Variants in CABLES1 observed in about 807,000 individuals in gnomAD.
CABLES1 encodes the protein CDK5 and ABL1 enzyme substrate 1.
In CABLES1, 36 loss-of-function variants were observed where a neutral mutation model predicts 57.8. The ratio of observed to expected loss-of-function variants is 0.62; its 90% CI spans 0.48 to 0.82. The LOEUF (loss-of-function observed/expected upper bound fraction) is 0.82, where lower values mean the gene tolerates loss of function less well. Ranked by LOEUF, CABLES1 falls within the 40% of genes least tolerant of loss-of-function variation. CABLES1 has a pLI of 0.00. For missense variants in CABLES1, 767 were observed against 836.6 expected (o/e 0.92, Z 1.03); for synonymous variants, 374 against 363.0 (o/e 1.03, Z -0.35).
chr18:23,226,488 T>C (rs1219903070), intron 4 of CABLES1, among the ~76,000 whole-genome samples: 1 of 151,960 alleles, frequency 6.6e-6, no homozygotes, highest in African/African-American at 2.4e-5. Context: ...TTTTTTACCC[T>C]CATACACCCT....
At chr18:23,167,550 TG>T (rs1306025582) in intron 1 of CABLES1, among the ~76,000 whole-genome samples, 1 of 152,130 alleles carries the variant, frequency 6.6e-6, no homozygotes, top group East Asian at 1.9e-4. Context: ...TTTGGGGGAT[TG>T]GGGGGAGTAC....
At chr18:23,135,258 C>G (rs1404141614), upstream of CABLES1, among the ~76,000 whole-genome samples, 1 of 152,198 alleles carries the variant, frequency 6.6e-6, no homozygotes, top group Non-Finnish European at 1.5e-5. Context: ...ACCCGGACAG[C>G]CGGGCCGATC....
chr18:23,155,639 T>C (rs2046960292), intron 1 of CABLES1, among the ~76,000 whole-genome samples: 2 of 152,230 alleles, frequency 1.3e-5, no homozygotes, highest in Non-Finnish European at 2.9e-5. Context: ...CATTTCCATT[T>C]TCCTTCAACC....
intron 4 of CABLES1, among the ~76,000 whole-genome samples, chr18:23,221,422 G>GA (rs1426317660): frequency 1.3e-5 from 2 of 152,260 alleles, no homozygotes; most frequent in African/African-American, 4.8e-5. Context: ...GCGTGGAATA[G>GA]AGGGTAGTGT....
intron 4 of CABLES1, among the ~76,000 whole-genome samples, chr18:23,218,850 C>A (rs191125630): frequency 3.3e-5 from 5 of 152,172 alleles, no homozygotes; most frequent in African/African-American, 9.7e-5. Flanking sequence ...CTGCTCCCAG[C>A]GAATTAAGGC....
Position 23,135,862 on chromosome 18 carries a change from C to A in CABLES1, c.100C>A (p.Gln34Lys), listed in dbSNP as rs2046814971. Reference protein sequence around the residue: ...GASGLQQPPPQPQPQPAAAAP... With the variant: ...GASGLQQPPPKPQPQPAAAAP... ...CAGCGGATTGCAGCAGCCGCCGCCG[C>A]AGCCCCAGCCTCAGCCCGCGGCCGC... Residue 34 changes from glutamine to lysine, a missense_variant, in exon 1 of 10, where the codon CAG becomes AAG. Around this residue, in one of 4 missense-constraint regions of CABLES1, gnomAD observed 198 missense variants for 149.7 expected, o/e 1.32. Coordinates refer to ENST00000256925, the MANE Select transcript of CABLES1 (RefSeq NM_001100619.3). 3 of 1,004,832 alleles carry A rather than the reference C, an allele frequency of 3.0e-6. No individual in the cohort carries two copies. Among genetic ancestry groups the A allele is most frequent in the Admixed American group, 5.9e-5 (1 of 16,960 alleles). 62.2% of individuals were successfully genotyped at this position (1,004,832 alleles called of 1,614,324 possible). A position where few individuals can be genotyped will look rare whatever the true frequency, so the allele number is the denominator to read the frequency against.
intron 1 of CABLES1, among the ~76,000 whole-genome samples, chr18:23,180,064 G>C (rs546139417): frequency 6.6e-6 from 1 of 151,922 alleles, no homozygotes; most frequent in African/African-American, 2.4e-5. Flanking sequence ...GACTACAGGC[G>C]CCCGCCACCA....
chr18:23,180,049 G>A (rs921840110), intron 1 of CABLES1, among the ~76,000 whole-genome samples: 1 of 152,104 alleles, frequency 6.6e-6, no homozygotes, highest in Non-Finnish European at 1.5e-5. Context: ...CTTCTGAGTA[G>A]CTGGGACTAC....
At chr18:23,251,104 G>A (rs962133692) in intron 7 of CABLES1, among the ~76,000 whole-genome samples, 2 of 152,188 alleles carry the variant, frequency 1.3e-5, no homozygotes, top group Non-Finnish European at 2.9e-5. Flanking sequence ...CCAGGGAATC[G>A]ACCTTCACAT....
chr18:23,150,406 T>C (rs747031269), intron 1 of CABLES1, among the ~76,000 whole-genome samples: 20 of 151,876 alleles, frequency 1.3e-4, no homozygotes, highest in Admixed American at 3.3e-4. Context: ...TTAGTAGAGA[T>C]GGGGTTTCAC....
At chr18:23,166,446 G>A (rs1598807573) in intron 1 of CABLES1, among the ~76,000 whole-genome samples, 1 of 152,100 alleles carries the variant, frequency 6.6e-6, no homozygotes, top group East Asian at 1.9e-4. Flanking sequence ...TAGGTGATCT[G>A]CCCACCTTGG....
At chr18:23,194,727 A>G (rs759230597) in intron 3 of CABLES1, among the ~76,000 whole-genome samples, 187 bp downstream of exon 3, 18 of 152,358 alleles carry the variant, frequency 1.2e-4, no homozygotes, top group East Asian at 1.9e-4. Flanking sequence ...AGCAATCTGT[A>G]GAGAATAATG....
chr18:23,200,605 G>C (rs2047318665), intron 3 of CABLES1, among the ~76,000 whole-genome samples: 1 of 152,224 alleles, frequency 6.6e-6, no homozygotes, highest in Non-Finnish European at 1.5e-5. Context: ...CAAGCCTAGA[G>C]CTGATGCTTA....
chr18:23,210,177 G>A (rs149543405), intron 3 of CABLES1, among the ~76,000 whole-genome samples: 275 of 152,150 alleles, frequency 1.8e-3, no homozygotes, highest in African/African-American at 6.1e-3. Context: ...TCCTCTGGCC[G>A]ATGTTCATGT....
chr18:23,157,081 G>T (rs2046970775), intron 1 of CABLES1, among the ~76,000 whole-genome samples: 1 of 151,874 alleles, frequency 6.6e-6, no homozygotes. Flanking sequence ...GTCCATTTTG[G>T]GGTTACAAAT....
intron 4 of CABLES1, among the ~76,000 whole-genome samples, chr18:23,228,268 C>G (rs1470859818): frequency 6.6e-6 from 1 of 152,138 alleles, no homozygotes; most frequent in Non-Finnish European, 1.5e-5. Context: ...TGCCAGGGAG[C>G]CACAGAAGAG....
chr18:23,185,940 T>G (rs1268721668), intron 1 of CABLES1, among the ~76,000 whole-genome samples: 1 of 152,168 alleles, frequency 6.6e-6, no homozygotes, highest in African/African-American at 2.4e-5. Context: ...ATCACTGCCT[T>G]CTGGCTGTAG....
intron 1 of CABLES1, among the ~76,000 whole-genome samples, chr18:23,146,035 C>T (rs1395148070): frequency 2.0e-5 from 3 of 152,212 alleles, no homozygotes; most frequent in African/African-American, 7.2e-5. Flanking sequence ...GAAGAAAAAC[C>T]ATTCAACCAG....
At position 23,259,578 on chromosome 18, in the gene CABLES1, A is replaced by C. The variant is rs1158633739; in HGVS notation, c.*2211A>C. The C allele has an allele frequency of 3.9e-5, 6 of 152,024 alleles. No individual in the cohort carries two copies. Among genetic ancestry groups the C allele is most frequent in the Non-Finnish European group, 5.9e-5 (4 of 68,016 alleles). 9.4% of individuals were successfully genotyped at this position (152,024 alleles called of 1,614,324 possible). On this transcript the variant is annotated 3_prime_UTR_variant, in exon 10 of 10. Transcript: ENST00000256925. ...TGGACAGTTTTGTGGGTTTTAATTT[A>C]TTTGTGAGGAGTCGGGGCTGAGAAG...
Sources: gnomAD v4.1 joint callset for allele counts (sites outside exome capture counted in the v4.1 genomes callset) on GRCh38, gnomAD v4.1.1 for gene constraint, gnomAD v4.1.1 regional missense constraint, MANE v1.5 for transcripts, NCBI Gene and HGNC (gene_info 2026-07-23, HGNC 2026-07-21) for gene names.